PLPPR1: variants seen among roughly 807,000 people sequenced by gnomAD.
The protein encoded by PLPPR1 is phospholipid phosphatase-related protein type 1.
A neutral mutation model predicts 33.1 loss-of-function variants in PLPPR1; 10 were observed. The ratio of observed to expected loss-of-function variants is 0.30; its 90% confidence interval spans 0.19 to 0.51. PLPPR1 has a LOEUF of 0.51. Among genes scored for constraint, PLPPR1 ranks in the 20% least tolerant of loss-of-function variants. The probability of loss-of-function intolerance (pLI) is 0.97; values close to 1 mark genes in which losing one functional copy is unlikely to be tolerated. For synonymous variants in PLPPR1, 151 were observed against 151.0 expected (o/e 1.00, Z 0.00); for missense variants, 304 against 408.1 (o/e 0.74, Z 2.20).
chr9:101,316,771 A>T (rs1829060693), intron 6 of PLPPR1, among the ~76,000 whole-genome samples: 1 of 152,162 alleles, frequency 6.6e-6, no homozygotes, highest in African/African-American at 2.4e-5. Context: ...AATAGTCATA[A>T]TCTGAAGATG....
At chr9:101,259,868 G>C (rs1239428861) in intron 2 of PLPPR1, among the ~76,000 whole-genome samples, 1 of 152,102 alleles carries the variant, frequency 6.6e-6, no homozygotes, top group Non-Finnish European at 1.5e-5. Flanking sequence ...GGAAGCAATC[G>C]GATATGCATT....
Position 101,208,649 on chromosome 9 carries a change from T to C in PLPPR1, c.63+23092T>C, listed in dbSNP as rs77312200. ...TGAATATAATATCCTTGGGGTAGAA[T>C]AAATTAATACATTTGTAAAGGTAAT... is the stretch of plus-strand genomic sequence containing the variant. On this transcript the variant is annotated intron_variant, in intron 2 of 7. Transcript: ENST00000374874. Among the ~76,000 whole-genome samples the C allele has an allele frequency of 8.5e-5, 13 of 152,348 alleles. No individual in the cohort carries two copies. The East Asian group carries it at 2.5e-3, about 29-fold the overall frequency.
chr9:101,073,899 G>T (rs753164585), intron 1 of PLPPR1, among the ~76,000 whole-genome samples: 23 of 151,794 alleles, frequency 1.5e-4, no homozygotes, highest in Non-Finnish European at 2.8e-4. Flanking sequence ...AGAAGATGAA[G>T]CCATGAATAT....
intron 4 of PLPPR1, among the ~76,000 whole-genome samples, chr9:101,300,137 T>C (rs1175864800): frequency 6.6e-6 from 1 of 152,184 alleles, no homozygotes; most frequent in Non-Finnish European, 1.5e-5. Flanking sequence ...CTTTCTATAA[T>C]AATTTTTAAA....
At position 101,266,861 on chromosome 9, in the gene PLPPR1, C is replaced by CT. The variant is rs566797168; in HGVS notation, c.64-3011dup. ...TTTGCTTTCATTTACCTCATTTTCACTTTTTTTTAGAAAAAGGAAGTGGTA... is the reference window on the plus strand; with the variant it reads ...TTTGCTTTCATTTACCTCATTTTCACTTTTTTTTTAGAAAAAGGAAGTGGTA... On this transcript the variant is annotated intron_variant, in intron 2 of 7. Coordinates refer to ENST00000374874, the MANE Select transcript of PLPPR1 (RefSeq NM_207299.2). Among the ~76,000 whole-genome samples the CT allele has an allele frequency of 3.9e-5, 6 of 152,088 alleles. No homozygotes were observed. In the South Asian group the frequency reaches 6.2e-4, roughly 16 times the overall value.
intron 1 of PLPPR1, among the ~76,000 whole-genome samples, chr9:101,049,231 A>T (rs529980898): frequency 1.2e-4 from 19 of 152,246 alleles, no homozygotes; most frequent in Non-Finnish European, 1.9e-4. Context: ...ATCCAACTTC[A>T]GGGAAGATAG....
intron 1 of PLPPR1, among the ~76,000 whole-genome samples, chr9:101,178,898 C>G (rs562775264): frequency 2.0e-5 from 3 of 152,276 alleles, no homozygotes; most frequent in Admixed American, 2.0e-4. Flanking sequence ...CCTGTTCCTG[C>G]GACATTATGT....
intron 1 of PLPPR1, among the ~76,000 whole-genome samples, chr9:101,077,736 G>C (rs1050632224): frequency 6.6e-6 from 1 of 152,034 alleles, no homozygotes; most frequent in Non-Finnish European, 1.5e-5. Flanking sequence ...ATTGAGGCAA[G>C]GGAGCTGCAT....
intron 2 of PLPPR1, among the ~76,000 whole-genome samples, chr9:101,205,092 A>G (rs1250754733): frequency 6.6e-6 from 1 of 152,170 alleles, no homozygotes; most frequent in Non-Finnish European, 1.5e-5. Context: ...ATCCTTATGT[A>G]TCTATTAGGG....
chr9:101,060,120 A>G (rs1830326921), intron 1 of PLPPR1, among the ~76,000 whole-genome samples: 1 of 152,070 alleles, frequency 6.6e-6, no homozygotes, highest in African/African-American at 2.4e-5. Context: ...TATATACATG[A>G]TGGCCTACTA....
At chr9:101,241,023 G>A (rs933464040) in intron 2 of PLPPR1, among the ~76,000 whole-genome samples, 3 of 152,084 alleles carry the variant, frequency 2.0e-5, no homozygotes, top group African/African-American at 7.2e-5. Context: ...AGCCACACAA[G>A]TGTTCATGGG....
At chr9:101,263,624 G>A (rs1827937957) in intron 2 of PLPPR1, among the ~76,000 whole-genome samples, 1 of 152,102 alleles carries the variant, frequency 6.6e-6, no homozygotes, top group Admixed American at 6.6e-5. Flanking sequence ...TTAATATTCT[G>A]CTGACTTATA....
chr9:101,160,279 G>C (rs1453535107), intron 1 of PLPPR1, among the ~76,000 whole-genome samples: 1 of 152,168 alleles, frequency 6.6e-6, no homozygotes, highest in Non-Finnish European at 1.5e-5. Flanking sequence ...AGGTCACTTA[G>C]CCTTTCTCCT....
At chr9:101,312,130 A>G (rs1219535054) in intron 5 of PLPPR1, among the ~76,000 whole-genome samples, 3 of 152,198 alleles carry the variant, frequency 2.0e-5, no homozygotes, top group Non-Finnish European at 1.5e-5. Flanking sequence ...AAATTTTAAT[A>G]TTTTAAGAAA....
chr9:101,189,028 A>T (rs929360393), intron 2 of PLPPR1, among the ~76,000 whole-genome samples: 1 of 152,036 alleles, frequency 6.6e-6, no homozygotes, highest in East Asian at 1.9e-4. Context: ...AGTACTGTTG[A>T]TGAAGAGATT....
At chr9:101,263,055 A>C (rs1391348545) in intron 2 of PLPPR1, among the ~76,000 whole-genome samples, 1 of 152,184 alleles carries the variant, frequency 6.6e-6, no homozygotes, top group African/African-American at 2.4e-5. Context: ...CCTAATGTAC[A>C]TGACAGGTTG....
chr9:101,187,043 G>A (rs1826216321), intron 2 of PLPPR1, among the ~76,000 whole-genome samples: 1 of 151,818 alleles, frequency 6.6e-6, no homozygotes, highest in African/African-American at 2.4e-5. Flanking sequence ...TTCTGGTTAC[G>A]ATTCTTCTTA....
intron 1 of PLPPR1, among the ~76,000 whole-genome samples, chr9:101,169,471 G>A (rs1174034742): frequency 6.6e-6 from 1 of 152,046 alleles, no homozygotes; most frequent in East Asian, 1.9e-4. Flanking sequence ...CCTCGTGGTG[G>A]ACCGTAAGAT....
chr9:101,266,880 A>T (rs80025986), intron 2 of PLPPR1, among the ~76,000 whole-genome samples: 3,069 of 152,284 alleles, frequency 0.02, 37 homozygotes, highest in Middle Eastern at 0.082. Flanking sequence ...AGAAAAAGGA[A>T]GTGGTAGCAC....
Sources: gnomAD v4.1 joint callset for allele counts (sites outside exome capture counted in the v4.1 genomes callset) on GRCh38, gnomAD v4.1.1 for gene constraint, MANE v1.5 for transcripts, NCBI Gene and HGNC (gene_info 2026-07-23, HGNC 2026-07-21) for gene names.